Variants in PDE7A observed in about 807,000 individuals in gnomAD.
PDE7A encodes the protein phosphodiesterase 7A.
PDE7A carries 39 observed loss-of-function variants against 64.3 expected under a neutral mutation model. The ratio of observed to expected loss-of-function variants is 0.61; its 90% CI spans 0.47 to 0.79. The LOEUF is 0.79. Among genes scored for constraint, PDE7A ranks in the 30% least tolerant of loss-of-function variants. The pLI is 0.00. For synonymous variants in PDE7A, 203 were observed against 206.8 expected, an observed-to-expected ratio of 0.98 and a Z score of 0.16; for missense variants, 470 against 582.8, an observed-to-expected ratio of 0.81 and a Z score of 1.99.
intron 1 of PDE7A, among the ~76,000 whole-genome samples, chr8:65,818,639 T>C (rs1810470665): frequency 6.6e-6 from 1 of 152,206 alleles, no homozygotes. Flanking sequence ...TGCTCTGAGT[T>C]GAACTTCCCA....
At chr8:65,781,728 T>G (rs1238178704) in intron 2 of PDE7A, among the ~76,000 whole-genome samples, 1 of 152,210 alleles carries the variant, frequency 6.6e-6, no homozygotes, top group Non-Finnish European at 1.5e-5. Flanking sequence ...ACACAAATGT[T>G]TTGCTTTAGA....
chr8:65,841,835 AGAG>A lies in PDE7A; in HGVS notation c.-330_-328del, dbSNP rs1229167747. 2 of 155,578 alleles carry A rather than the reference AGAG, an allele frequency of 1.3e-5. No homozygotes were observed. The highest frequency in any genetic ancestry group is 2.8e-5 in the Non-Finnish European group (2 of 70,598). The allele number at this position is 155,578 out of a possible 1,614,324, so 9.6% of individuals were successfully genotyped here. ...CCGCCGCCCTGGGGCTCCTCGGCCG[AGAG>A]GAGCAGGTACCCGGACTGCAGAGTT... On this transcript the variant is annotated 5_prime_UTR_variant, in exon 1 of 13. Coordinates refer to ENST00000401827, the MANE Select transcript of PDE7A (RefSeq NM_001242318.3).
Position 65,785,113 on chromosome 8 carries a change from A to G in PDE7A, c.139-2270T>C, listed in dbSNP as rs1809514290. 2.6e-5 allele frequency among the ~76,000 whole-genome samples: 4 copies of G among 152,294 alleles called. No homozygotes were observed. The South Asian group carries it at 8.3e-4, about 32-fold the overall frequency. ...TTAATGCTTATCTTTTAAGAGAAAA[A>G]TATCAACTAAAATCTTACATGATTT... On this transcript the variant is annotated intron_variant, in intron 1 of 12. Coordinates refer to ENST00000401827, the MANE Select transcript of PDE7A (RefSeq NM_001242318.3).
chr8:65,773,222 G>T (rs898422059), intron 3 of PDE7A, among the ~76,000 whole-genome samples: 3 of 152,166 alleles, frequency 2.0e-5, no homozygotes, highest in African/African-American at 7.2e-5. Flanking sequence ...ATTCCAAGCT[G>T]TGTGATAAGC....
chr8:65,832,441 G>C (rs1043162478), intron 1 of PDE7A, among the ~76,000 whole-genome samples: 1 of 152,010 alleles, frequency 6.6e-6, no homozygotes. Context: ...TCCCAAAAGC[G>C]AATTATCAAA....
chr8:65,841,409 CGGAGCT>C lies in PDE7A; in HGVS notation c.94_99del (p.Ser32_Ser33del), dbSNP rs1427469110. 6.4e-7 allele frequency: 1 copy of C among 1,564,074 alleles called. No individual in the cohort carries two copies. Among genetic ancestry groups the C allele is most frequent in the Non-Finnish European group, 8.6e-7 (1 of 1,159,418 alleles). On this transcript the variant is annotated inframe_deletion, in exon 1 of 13. Coordinates refer to ENST00000401827, the MANE Select transcript of PDE7A (RefSeq NM_001242318.3). The stretch of plus-strand genomic sequence containing the variant: ...CGGGGATTGGGGCAGCCGAAGAGAG[CGGAGCT>C]GGAGCTGAAGCTGATGGCTCCTCGG...
At position 65,767,495 on chromosome 8, in the gene PDE7A, C is replaced by T. The variant is rs371450200; in HGVS notation, c.283+12225G>A. On this transcript the variant is annotated intron_variant, in intron 3 of 12. Coordinates refer to ENST00000401827, the MANE Select transcript of PDE7A (RefSeq NM_001242318.3). Reference sequence around the variant, plus strand: ...TATTAAAACGTTGGGTGTGTTAGGCCTAAGGAAACAATCTCTCCAATATTC... The same window carrying T: ...TATTAAAACGTTGGGTGTGTTAGGCTTAAGGAAACAATCTCTCCAATATTC... Among the ~76,000 whole-genome samples, 6 of 152,312 alleles carry T rather than the reference C, an allele frequency of 3.9e-5. No individual in the cohort carries two copies. In the East Asian group the frequency reaches 1.2e-3, roughly 29 times the overall value.
intron 11 of PDE7A, among the ~76,000 whole-genome samples, chr8:65,723,941 A>G (rs953214872): frequency 2.0e-5 from 3 of 152,182 alleles, no homozygotes; most frequent in Non-Finnish European, 2.9e-5. Context: ...AAAGTTTTAC[A>G]TGTTCATATG....
intron 3 of PDE7A, among the ~76,000 whole-genome samples, chr8:65,773,107 A>T (rs933720965): frequency 6.6e-6 from 1 of 152,232 alleles, no homozygotes; most frequent in African/African-American, 2.4e-5. Flanking sequence ...GAAGAAGGGA[A>T]GGCCTGAAGA....
At chr8:65,819,994 G>GT (rs1234752150) in intron 1 of PDE7A, among the ~76,000 whole-genome samples, 2 of 152,212 alleles carry the variant, frequency 1.3e-5, no homozygotes, top group African/African-American at 4.8e-5. Flanking sequence ...GTGGATCCCT[G>GT]TATTACTTCA....
intron 1 of PDE7A, among the ~76,000 whole-genome samples, chr8:65,826,625 C>T (rs1474642131): frequency 6.6e-6 from 1 of 152,214 alleles, no homozygotes; most frequent in South Asian, 2.1e-4. Context: ...TAATACCTAG[C>T]AGAGTGCCTG....
intron 3 of PDE7A, 88 bp downstream of exon 3, chr8:65,779,632 C>T (rs1164517597): frequency 7.4e-6 from 5 of 673,114 alleles, no homozygotes; most frequent in African/African-American, 5.6e-5. Context: ...AGTTTTTTTT[C>T]TGGTATTCTT....
intron 1 of PDE7A, among the ~76,000 whole-genome samples, chr8:65,832,023 G>T (rs1158883098): frequency 6.6e-6 from 1 of 152,096 alleles, no homozygotes; most frequent in Admixed American, 6.5e-5. Context: ...CGCATGCATG[G>T]TATATAGATA....
chr8:65,820,063 A>G (rs906802488), intron 1 of PDE7A, among the ~76,000 whole-genome samples: 1 of 152,244 alleles, frequency 6.6e-6, no homozygotes, highest in African/African-American at 2.4e-5. Flanking sequence ...ATGTTATCTT[A>G]TTATGAAGAC....
At chr8:65,792,114 C>T (rs1431030860) in intron 1 of PDE7A, among the ~76,000 whole-genome samples, 1 of 152,134 alleles carries the variant, frequency 6.6e-6, no homozygotes, top group Non-Finnish European at 1.5e-5. Context: ...ACCTCTTTTA[C>T]ACTAACAACA....
chr8:65,799,502 C>G (rs1382444299), intron 1 of PDE7A, among the ~76,000 whole-genome samples: 1 of 152,126 alleles, frequency 6.6e-6, no homozygotes, highest in Middle Eastern at 3.2e-3. Context: ...CAGCGGAAGA[C>G]TTCACTCTTC....
At chr8:65,782,072 A>G (rs940589792) in intron 2 of PDE7A, among the ~76,000 whole-genome samples, 1 of 152,164 alleles carries the variant, frequency 6.6e-6, no homozygotes, top group Non-Finnish European at 1.5e-5. Context: ...TAGGTGAAGA[A>G]TAAGGATGGA....
intron 1 of PDE7A, among the ~76,000 whole-genome samples, chr8:65,810,512 G>A (rs1810235733): frequency 6.6e-6 from 1 of 152,048 alleles, no homozygotes; most frequent in Non-Finnish European, 1.5e-5. Context: ...AAGTATTGCT[G>A]TAAAAGCCCT....
intron 3 of PDE7A, among the ~76,000 whole-genome samples, chr8:65,778,070 G>C (rs1244279859): frequency 6.6e-6 from 1 of 152,186 alleles, no homozygotes; most frequent in Non-Finnish European, 1.5e-5. Flanking sequence ...ACAGATGGGA[G>C]ATTAAAAAGG....
Sources: gnomAD v4.1 joint callset for allele counts (sites outside exome capture counted in the v4.1 genomes callset) on GRCh38, gnomAD v4.1.1 for gene constraint, MANE v1.5 for transcripts, NCBI Gene and HGNC (gene_info 2026-07-23, HGNC 2026-07-21) for gene names.